The following HS6ST3 variants were observed in gnomAD, a reference collection of about 807,000 sequenced individuals.
HS6ST3 encodes heparan-sulfate 6-O-sulfotransferase 3.
HS6ST3 carries 12 observed loss-of-function variants against 36.7 expected under a neutral mutation model. The ratio of observed to expected loss-of-function variants is 0.33; its 90% CI spans 0.21 to 0.53. HS6ST3 has a LOEUF of 0.53. Among genes scored for constraint, HS6ST3 ranks in the 20% least tolerant of loss-of-function variants. The pLI is 0.95. For missense variants in HS6ST3, 584 were observed against 640.9 expected (o/e 0.91, Z 0.96); for synonymous variants, 240 against 257.5 (o/e 0.93, Z 0.65).
intron 1 of HS6ST3, among the ~76,000 whole-genome samples, chr13:96,451,856 A>G (rs755728134): frequency 4.6e-5 from 7 of 152,202 alleles, no homozygotes; most frequent in Non-Finnish European, 7.3e-5. Flanking sequence ...TTAAGATACT[A>G]TAAATTTCTA....
intron 1 of HS6ST3, among the ~76,000 whole-genome samples, chr13:96,362,324 G>T (rs1289918639): frequency 6.6e-6 from 1 of 152,040 alleles, no homozygotes; most frequent in East Asian, 1.9e-4. Flanking sequence ...TAATTTGATT[G>T]CAGAAAAGTT....
intron 1 of HS6ST3, among the ~76,000 whole-genome samples, chr13:96,611,883 C>T (rs1284788049): frequency 6.6e-6 from 1 of 152,086 alleles, no homozygotes; most frequent in African/African-American, 2.4e-5. Context: ...ACAAAGTAAG[C>T]AGGGGTCATC....
intron 1 of HS6ST3, among the ~76,000 whole-genome samples, chr13:96,470,839 G>A (rs564854669): frequency 6.6e-6 from 1 of 152,198 alleles, no homozygotes; most frequent in East Asian, 1.9e-4. Flanking sequence ...TTGGTAAAGT[G>A]TTTATCTGGC....
At chr13:96,235,782 C>T (rs2054531763) in intron 1 of HS6ST3, among the ~76,000 whole-genome samples, 1 of 152,120 alleles carries the variant, frequency 6.6e-6, no homozygotes, top group Non-Finnish European at 1.5e-5. Context: ...TTATTTCCTT[C>T]CCCAAACCAG....
chr13:96,116,032 C>T (rs1198542149), intron 1 of HS6ST3, among the ~76,000 whole-genome samples: 2 of 152,012 alleles, frequency 1.3e-5, no homozygotes, highest in Non-Finnish European at 2.9e-5. Context: ...ATTTATTGGC[C>T]GCATAAATGT....
Position 96,160,100 on chromosome 13 carries a change from A to C in HS6ST3, c.707+68531A>C, listed in dbSNP as rs534487360. Among the ~76,000 whole-genome samples, 3 of 152,376 alleles carry C rather than the reference A, an allele frequency of 2.0e-5. No individual in the cohort carries two copies. In the South Asian group the frequency reaches 6.2e-4, roughly 32 times the overall value. ...GTAGTAAGCACTCAATAGCTAATAA[A>C]GTGAATAATAGCAATAATAACTTAA... On this transcript the variant is annotated intron_variant, in intron 1 of 1. Coordinates refer to ENST00000376705, the MANE Select transcript of HS6ST3 (RefSeq NM_153456.4).
chr13:96,168,692 CA>C lies in HS6ST3; in HGVS notation c.707+77138del, dbSNP rs60119696. On this transcript the variant is annotated intron_variant, in intron 1 of 1. Transcript: ENST00000376705. ...CTCCAGCCTGGTGACAGAGTGAGAC[CA>C]AAAAAAAAAAAAAATTACTATTTTA... Among the ~76,000 whole-genome samples the C allele has an allele frequency of 1.0e-3, 149 of 142,154 alleles. 1 individual carries two copies. Among genetic ancestry groups the C allele is most frequent in the African/African-American group, 2.9e-3 (111 of 38,670 alleles). 93.3% of individuals were successfully genotyped at this position (142,154 alleles called of 152,430 possible). A position where few individuals can be genotyped will look rare whatever the true frequency, so the allele number is the denominator to read the frequency against.
intron 1 of HS6ST3, among the ~76,000 whole-genome samples, chr13:96,334,352 T>G (rs560721365): frequency 6.6e-6 from 1 of 152,092 alleles, no homozygotes. Flanking sequence ...GTTCCCCACT[T>G]CACCTTCCAC....
chr13:96,343,516 G>C (rs1395131852), intron 1 of HS6ST3, among the ~76,000 whole-genome samples: 1 of 152,088 alleles, frequency 6.6e-6, no homozygotes, highest in East Asian at 1.9e-4. Context: ...AATCCAGACT[G>C]ATCTCCCTAT....
intron 1 of HS6ST3, among the ~76,000 whole-genome samples, chr13:96,561,029 G>GA (rs956802018): frequency 9.9e-5 from 15 of 151,586 alleles, no homozygotes; most frequent in Non-Finnish European, 1.6e-4. Flanking sequence ...CACAGAACTG[G>GA]AAAAAAAACT....
intron 1 of HS6ST3, among the ~76,000 whole-genome samples, chr13:96,311,531 G>A (rs2054941014): frequency 6.6e-6 from 1 of 152,144 alleles, no homozygotes; most frequent in African/African-American, 2.4e-5. Flanking sequence ...CGCCAGAGTA[G>A]TCGTCATGAA....
At chr13:96,413,200 A>G (rs2055516683) in intron 1 of HS6ST3, among the ~76,000 whole-genome samples, 1 of 152,206 alleles carries the variant, frequency 6.6e-6, no homozygotes, top group African/African-American at 2.4e-5. Context: ...CGATTTTGAG[A>G]TAGCAGCTTC....
intron 1 of HS6ST3, among the ~76,000 whole-genome samples, chr13:96,092,221 C>T (rs911039247): frequency 1.3e-5 from 2 of 152,170 alleles, no homozygotes; most frequent in African/African-American, 4.8e-5. Flanking sequence ...GAAAGATTTC[C>T]ATGCTCTTCC....
At chr13:96,140,042 C>CA (rs1204159388) in intron 1 of HS6ST3, among the ~76,000 whole-genome samples, 1 of 151,630 alleles carries the variant, frequency 6.6e-6, no homozygotes, top group Non-Finnish European at 1.5e-5. Flanking sequence ...CTAGAAATTT[C>CA]AAAAAATTAA....
chr13:96,177,928 A>G (rs1401899880), intron 1 of HS6ST3, among the ~76,000 whole-genome samples: 5 of 152,194 alleles, frequency 3.3e-5, no homozygotes, highest in African/African-American at 1.2e-4. Context: ...TTTTAAAATG[A>G]TCATTTATAG....
chr13:96,463,722 A>C (rs1483753765), intron 1 of HS6ST3, among the ~76,000 whole-genome samples: 1 of 152,122 alleles, frequency 6.6e-6, no homozygotes, highest in African/African-American at 2.4e-5. Context: ...GATTAAACAA[A>C]AGAACTTCCT....
chr13:96,730,986 C>G (rs1876136698), intron 1 of HS6ST3, among the ~76,000 whole-genome samples: 1 of 152,116 alleles, frequency 6.6e-6, no homozygotes. Flanking sequence ...CCTGACTCAG[C>G]CTCCCGAAGT....
intron 1 of HS6ST3, among the ~76,000 whole-genome samples, chr13:96,442,329 A>C (rs752116053): frequency 2.0e-5 from 3 of 152,184 alleles, no homozygotes; most frequent in Non-Finnish European, 4.4e-5. Context: ...TATCATTTTG[A>C]ATCTTTAGGA....
At chr13:96,792,579 T>C (rs553058928) in intron 1 of HS6ST3, among the ~76,000 whole-genome samples, 1 of 151,990 alleles carries the variant, frequency 6.6e-6, no homozygotes, top group African/African-American at 2.4e-5. Context: ...TTAGTCCATA[T>C]GGATACAGAT....
Sources: gnomAD v4.1 joint callset for allele counts (sites outside exome capture counted in the v4.1 genomes callset) on GRCh38, gnomAD v4.1.1 for gene constraint, MANE v1.5 for transcripts, NCBI Gene and HGNC (gene_info 2026-07-23, HGNC 2026-07-21) for gene names.